The following ADCY5 variants were observed in gnomAD, a reference collection of about 807,000 sequenced individuals.
ADCY5 encodes the protein adenylate cyclase 5, also known as adenylate cyclase type 5.
Under a neutral mutation model 119.7 loss-of-function variants are expected in ADCY5, and 30 were observed. That is an observed-to-expected ratio of 0.25 (90% CI 0.19 to 0.34). The LOEUF (loss-of-function observed/expected upper bound fraction) is 0.34, where lower values mean the gene tolerates loss of function less well. Among genes scored for constraint, ADCY5 ranks in the 10% least tolerant of loss-of-function variants. The probability of loss-of-function intolerance (pLI) is 1.00; values close to 1 mark genes in which losing one functional copy is unlikely to be tolerated. For missense variants in ADCY5, 1,324 were observed against 1,775.2 expected, an observed-to-expected ratio of 0.75 and a Z score of 4.57; for synonymous variants, 753 against 762.2, an observed-to-expected ratio of 0.99 and a Z score of 0.20.
chr3:123,431,732 T>C (rs953262386), intron 1 of ADCY5, among the ~76,000 whole-genome samples: 2 of 152,242 alleles, frequency 1.3e-5, no homozygotes, highest in African/African-American at 4.8e-5. Flanking sequence ...ACAAGGTTTT[T>C]ATACCAACCA....
At chr3:123,384,539 C>T (rs899396983) in intron 1 of ADCY5, among the ~76,000 whole-genome samples, 1 of 152,176 alleles carries the variant, frequency 6.6e-6, no homozygotes, top group Non-Finnish European at 1.5e-5. Context: ...TCACAAGGGC[C>T]GGAACTAGGA....
At chr3:123,311,506 GGAA>G (rs921782562) in intron 12 of ADCY5, among the ~76,000 whole-genome samples, 6 of 152,264 alleles carry the variant, frequency 3.9e-5, no homozygotes, top group African/African-American at 7.2e-5. Context: ...CATAAAAGAG[GGAA>G]GAAGAAGAAT....
chr3:123,314,447 G>C, intron 11 of ADCY5, 125 bp from the exon 12 acceptor site: 3 of 704,596 alleles, frequency 4.3e-6, no homozygotes, highest in Non-Finnish European at 7.2e-6. Flanking sequence ...CAGAGGGCCT[G>C]GGCTCTGAAA....
intron 1 of ADCY5, among the ~76,000 whole-genome samples, chr3:123,358,233 C>G (rs1434663161): frequency 7.0e-6 from 1 of 143,424 alleles, no homozygotes; most frequent in Non-Finnish European, 1.5e-5. Flanking sequence ...TGACATATAC[C>G]CACAGTACAC....
intron 12 of ADCY5, among the ~76,000 whole-genome samples, chr3:123,310,894 G>A (rs566652401): frequency 1.4e-3 from 215 of 152,210 alleles, no homozygotes; most frequent in African/African-American, 5.1e-3. Context: ...AGCTGTGTCT[G>A]GAAAAGACTG....
chr3:123,390,532 G>C (rs1303133137), intron 1 of ADCY5, among the ~76,000 whole-genome samples: 1 of 152,214 alleles, frequency 6.6e-6, no homozygotes, highest in Non-Finnish European at 1.5e-5. Context: ...CCACAGAGGT[G>C]CATTTCCCTG....
intron 12 of ADCY5, among the ~76,000 whole-genome samples, chr3:123,312,771 A>G (rs1940654317): frequency 6.6e-6 from 1 of 152,236 alleles, no homozygotes; most frequent in African/African-American, 2.4e-5. Flanking sequence ...ACTGCAATTT[A>G]CAGCACGTTT....
chr3:123,328,076 G>A (rs1941579302), intron 6 of ADCY5, among the ~76,000 whole-genome samples: 1 of 152,176 alleles, frequency 6.6e-6, no homozygotes, highest in South Asian at 2.1e-4. Flanking sequence ...GCCAGCAATG[G>A]CTCCTGCACG....
At chr3:123,367,855 A>G in intron 1 of ADCY5, 3 of 1,522,140 alleles carry the variant, frequency 2.0e-6, no homozygotes, top group South Asian at 1.2e-5. Context: ...CCAGAAGAAA[A>G]AAAAAAACAC....
chr3:123,286,626 T>TCGGTGTCAGACACAGGACCTCC lies in ADCY5; in HGVS notation c.3657+37_3657+58dup. 6.5e-7 allele frequency: 1 copy of TCGGTGTCAGACACAGGACCTCC among 1,527,134 alleles called. No homozygotes were observed. Among genetic ancestry groups the TCGGTGTCAGACACAGGACCTCC allele is most frequent in the Non-Finnish European group, 8.8e-7 (1 of 1,142,470 alleles). The allele number at this position is 1,527,134 out of a possible 1,614,324, so 94.6% of individuals were successfully genotyped here. ...GTAGGTGGCCTGCCCTGAAGACCTCTCGGTGTCAGACACAGGACCTCCCAT... is the reference window on the plus strand; with the variant it reads ...GTAGGTGGCCTGCCCTGAAGACCTCTCGGTGTCAGACACAGGACCTCCCGGTGTCAGACACAGGACCTCCCAT... On this transcript the variant is annotated intron_variant, in intron 20 of 20. Coordinates refer to ENST00000462833, the MANE Select transcript of ADCY5 (RefSeq NM_183357.3). This position sits in a 1 kb window ranked among gnomAD's most constrained non-coding sequence, Gnocchi z 4.2.
In ADCY5 at chr3:123,314,245, GAGT is replaced by G. The variant is rs747900772; in HGVS notation, c.2429_2431del (p.Tyr810del). 1 of 1,612,590 alleles carries G rather than the reference GAGT, an allele frequency of 6.2e-7. No homozygotes were observed. ...GTCAGCTACACTCACCTTTACGCAG[GAGT>G]AGATCACAGACACAAACACCACCAA... On this transcript the variant is annotated inframe_deletion, in exon 12 of 21. Transcript: ENST00000462833.
intron 1 of ADCY5, among the ~76,000 whole-genome samples, chr3:123,365,713 G>T (rs1391772259): frequency 4.6e-5 from 7 of 152,202 alleles, no homozygotes; most frequent in African/African-American, 1.7e-4. Context: ...AAAAGAGATG[G>T]ATAAGCAGAC....
At chr3:123,334,343 C>T (rs1275575367) in intron 3 of ADCY5, among the ~76,000 whole-genome samples, 1 of 152,126 alleles carries the variant, frequency 6.6e-6, no homozygotes. Flanking sequence ...CCAGGCACCT[C>T]GGGACTCCTA....
chr3:123,377,377 C>T (rs1487648780), intron 1 of ADCY5, among the ~76,000 whole-genome samples: 2 of 152,168 alleles, frequency 1.3e-5, no homozygotes, highest in Non-Finnish European at 2.9e-5. Context: ...CCAAGAAAAC[C>T]CCACCCCACC....
chr3:123,401,313 T>A (rs913322110), intron 1 of ADCY5, among the ~76,000 whole-genome samples: 4 of 152,086 alleles, frequency 2.6e-5, no homozygotes, highest in Non-Finnish European at 4.4e-5. Context: ...CTCTGGGGGC[T>A]CAGGGAAATG....
intron 15 of ADCY5, among the ~76,000 whole-genome samples, chr3:123,298,406 A>T (rs2108237791): frequency 6.6e-6 from 1 of 152,298 alleles, no homozygotes; most frequent in Non-Finnish European, 1.5e-5. Flanking sequence ...GGGAAGGAGC[A>T]GTAAGAGGAG....
Position 123,396,153 on chromosome 3 carries a change from G to GAAGAA in ADCY5, c.1135-43577_1135-43573dup, listed in dbSNP as rs1477441233. On this transcript the variant is annotated intron_variant, in intron 1 of 20. Transcript: ENST00000462833. ...GAGAGGGAAAAAAGAAGAGAAAAGG[G>GAAGAA]AAGAAAAGAAAAGAGAAGAAGGGAG... Among the ~76,000 whole-genome samples, 4 of 130,524 alleles carry GAAGAA rather than the reference G, an allele frequency of 3.1e-5. No individual in the cohort carries two copies. The East Asian group carries it at 1.1e-3, about 35-fold the overall frequency. 85.6% of individuals were successfully genotyped at this position (130,524 alleles called of 152,430 possible).
intron 1 of ADCY5, among the ~76,000 whole-genome samples, chr3:123,446,537 G>C (rs1441935038): frequency 6.6e-6 from 1 of 152,214 alleles, no homozygotes; most frequent in Non-Finnish European, 1.5e-5. Flanking sequence ...TGGCAGGGGG[G>C]CTCCTCTCAC....
rs1255858115 is a variant in ADCY5, at chr3:123,447,926, G to A, written c.620C>T (p.Ala207Val). Residue 207 changes from alanine (A) to valine (V), a missense_variant, in exon 1 of 21, where the codon GCC (alanine) becomes GTC (valine). By Grantham distance (64) the Ala-to-Val change is moderately conservative. This residue lies in a region of ADCY5 where 585 missense variants were observed against 569.9 expected (regional missense o/e 1.03). Transcript: ENST00000462833. ...AGPGAVLSLGACCLALLQIFR... is the reference protein window; with the variant it reads ...AGPGAVLSLGVCCLALLQIFR... ...TATCTGCAGCAACGCCAGGCAGCAG[G>A]CGCCCAGGGACAGCACCGCGCCGGG... The A allele has an allele frequency of 6.2e-7, 1 of 1,605,132 alleles. No homozygotes were observed. The highest frequency in any genetic ancestry group is 8.5e-7 in the Non-Finnish European group (1 of 1,175,602).
Sources: gnomAD v4.1 joint callset for allele counts (sites outside exome capture counted in the v4.1 genomes callset) on GRCh38, gnomAD v4.1.1 for gene constraint, gnomAD v4.1.1 regional missense constraint, Gnocchi (gnomAD v3.1) non-coding constraint, MANE v1.5 for transcripts, NCBI Gene and HGNC (gene_info 2026-07-23, HGNC 2026-07-21) for gene names.